Variants in RPH3A observed in about 807,000 individuals in gnomAD.
The protein encoded by RPH3A is rabphilin 3A.
RPH3A carries 48 observed loss-of-function variants against 102.2 expected under a neutral mutation model. The ratio of observed to expected loss-of-function variants is 0.47; its 90% CI spans 0.37 to 0.60. The LOEUF is 0.60. Among genes scored for constraint, RPH3A ranks in the 20% least tolerant of loss-of-function variants. The pLI is 0.00. For synonymous variants in RPH3A, 310 were observed against 324.3 expected (o/e 0.96, Z 0.47); for missense variants, 781 against 910.1 (o/e 0.86, Z 1.83).
intron 16 of RPH3A, among the ~76,000 whole-genome samples, chr12:112,884,302 A>C (rs60649206): frequency 9.8e-5 from 15 of 152,312 alleles, no homozygotes; most frequent in African/African-American, 2.9e-4. Flanking sequence ...AGCACCCCCG[A>C]TGCAAGTTGA....
At chr12:112,839,072 G>A (rs2042101450) in intron 4 of RPH3A, among the ~76,000 whole-genome samples, 2 of 125,904 alleles carry the variant, frequency 1.6e-5, no homozygotes, top group African/African-American at 6.5e-5. Context: ...TCAGGCATCT[G>A]GGAAAATGAG....
At chr12:112,816,693 ATATTAT>A (rs10626494) in intron 2 of RPH3A, among the ~76,000 whole-genome samples, 2 of 151,684 alleles carry the variant, frequency 1.3e-5, no homozygotes, top group Admixed American at 6.6e-5. Flanking sequence ...CTTGAGAATT[ATATTAT>A]TATTATTATT....
intron 5 of RPH3A, among the ~76,000 whole-genome samples, chr12:112,861,116 T>C (rs1320503514): frequency 6.6e-6 from 1 of 152,132 alleles, no homozygotes; most frequent in Non-Finnish European, 1.5e-5. Flanking sequence ...TCAAATTCTC[T>C]CCCACCATGC....
intron 1 of RPH3A, among the ~76,000 whole-genome samples, chr12:112,702,793 G>A (rs911802162): frequency 3.3e-5 from 5 of 152,212 alleles, no homozygotes; most frequent in Non-Finnish European, 7.3e-5. Flanking sequence ...GTTCTTCTTA[G>A]CATATTAAAG....
intron 5 of RPH3A, among the ~76,000 whole-genome samples, chr12:112,849,300 G>A (rs1374998193): frequency 6.6e-6 from 1 of 152,158 alleles, no homozygotes; most frequent in Non-Finnish European, 1.5e-5. Context: ...AGCCTCCTCG[G>A]GTGGTCACGG....
chr12:112,592,918 T>C (rs1283055295), intron 1 of RPH3A, among the ~76,000 whole-genome samples: 1 of 152,232 alleles, frequency 6.6e-6, no homozygotes, highest in Non-Finnish European at 1.5e-5. Flanking sequence ...TTCTGTGTTC[T>C]TTTTTCTGCT....
intron 1 of RPH3A, among the ~76,000 whole-genome samples, chr12:112,579,358 A>G (rs1356948025): frequency 6.6e-6 from 1 of 152,192 alleles, no homozygotes; most frequent in African/African-American, 2.4e-5. Context: ...ACCTTTCAGA[A>G]CAAAGTTATC....
upstream of RPH3A, among the ~76,000 whole-genome samples, chr12:112,787,175 T>C (rs2041057079): frequency 6.6e-6 from 1 of 152,102 alleles, no homozygotes; most frequent in Non-Finnish European, 1.5e-5. Context: ...CAGGATAATC[T>C]CCCCACCTCA....
intron 1 of RPH3A, among the ~76,000 whole-genome samples, chr12:112,668,896 G>A (rs1341643224): frequency 6.6e-6 from 1 of 152,066 alleles, no homozygotes; most frequent in Non-Finnish European, 1.5e-5. Context: ...GACATCCTCA[G>A]AACTCCTCAT....
chr12:112,678,297 GAAAGAA>G (rs1329849387), intron 1 of RPH3A, among the ~76,000 whole-genome samples: 1,428 of 80,010 alleles, frequency 0.018, 214 homozygotes, highest in African/African-American at 0.027. Context: ...AAGAAAGAAA[GAAAGAA>G]AGAGAGAGAG....
chr12:112,715,858 C>T (rs1449708122), intron 1 of RPH3A, among the ~76,000 whole-genome samples: 5 of 152,160 alleles, frequency 3.3e-5, no homozygotes, highest in African/African-American at 4.8e-5. Flanking sequence ...CTGAGGGCTG[C>T]TGGTTACCCA....
At chr12:112,593,771 A>G (rs1435468963) in intron 1 of RPH3A, among the ~76,000 whole-genome samples, 1 of 152,192 alleles carries the variant, frequency 6.6e-6, no homozygotes, top group Non-Finnish European at 1.5e-5. Flanking sequence ...TCCTGGGGTT[A>G]TAGAGCTATC....
intron 1 of RPH3A, among the ~76,000 whole-genome samples, chr12:112,711,348 C>A (rs533401173): frequency 7.2e-5 from 11 of 152,074 alleles, no homozygotes; most frequent in Admixed American, 4.6e-4. Context: ...GGCCTCCCTC[C>A]TCCTTTCTGC....
At chr12:112,660,608 C>CCAG (rs1415725480) in intron 1 of RPH3A, among the ~76,000 whole-genome samples, 1 of 152,170 alleles carries the variant, frequency 6.6e-6, no homozygotes, top group Non-Finnish European at 1.5e-5. Flanking sequence ...TCACTTGAGG[C>CCAG]CAGCAGTTTG....
intron 1 of RPH3A, among the ~76,000 whole-genome samples, chr12:112,725,433 G>A (rs2040581245): frequency 6.6e-6 from 1 of 152,154 alleles, no homozygotes; most frequent in African/African-American, 2.4e-5. Context: ...GTGGGAAAAA[G>A]GCCCCCATCA....
chr12:112,881,906 G>A, intron 15 of RPH3A, 60 bp downstream of exon 15: 1 of 1,403,806 alleles, frequency 7.1e-7, no homozygotes, highest in East Asian at 2.4e-5. Flanking sequence ...AGATACCCAG[G>A]GTTCTCAGCT....
intron 19 of RPH3A, chr12:112,891,332 G>A (rs755875043): frequency 2.0e-5 from 5 of 250,136 alleles, no homozygotes; most frequent in Admixed American, 5.2e-5. Flanking sequence ...CCCTCGGACC[G>A]CTCAGACCTC....
intron 2 of RPH3A, among the ~76,000 whole-genome samples, chr12:112,819,221 T>G (rs968488293): frequency 6.6e-6 from 1 of 152,028 alleles, no homozygotes; most frequent in Admixed American, 6.6e-5. Context: ...TTCTTGTGCC[T>G]CAGCCTCTTG....
rs116667983 is a variant in RPH3A at position 112,895,391 on chromosome 12, C to T, written c.1858-386C>T. 3.2e-3 allele frequency: 533 copies of T among 165,560 alleles called. 5 individuals are homozygous for T. Among genetic ancestry groups the T allele is most frequent in the African/African-American group, 0.012 (496 of 42,090 alleles). 10.3% of individuals were successfully genotyped at this position (165,560 alleles called of 1,614,324 possible). On this transcript the variant is annotated intron_variant, in intron 20 of 21. Coordinates refer to ENST00000389385, the MANE Select transcript of RPH3A (RefSeq NM_001143854.2). ...TGCTGGAATTACAGGTGTGAGCCAC[C>T]GGGCCCGGCCACTTCAACTACTTTT...
Sources: allele counts gnomAD v4.1 joint callset (sites outside exome capture counted in the v4.1 genomes callset), GRCh38; gene constraint gnomAD v4.1.1; transcripts MANE v1.5; gene names NCBI Gene and HGNC (gene_info 2026-07-23, HGNC 2026-07-21).